The following SH2D7 variants were observed in gnomAD, a reference collection of about 807,000 sequenced individuals.
The protein encoded by SH2D7 is SH2 domain-containing protein 7.
In SH2D7, 32 loss-of-function variants were observed where a neutral mutation model predicts 40.8. That is an observed-to-expected ratio of 0.78 (90% CI 0.59 to 1.05). The LOEUF is 1.05. Ranked by LOEUF, SH2D7 falls within the 50% of genes least tolerant of loss-of-function variation. SH2D7 has a pLI of 0.00. For missense variants in SH2D7, 559 were observed against 566.6 expected, an observed-to-expected ratio of 0.99 and a Z score of 0.14; for synonymous variants, 195 against 221.5, an observed-to-expected ratio of 0.88 and a Z score of 1.06.
chr15:78,101,316 G>A lies in SH2D7; in HGVS notation c.1063G>A (p.Gly355Arg), dbSNP rs202061655. 210 of 1,612,914 alleles carry A rather than the reference G, an allele frequency of 1.3e-4. No homozygotes were observed. Among genetic ancestry groups the A allele is most frequent in the Non-Finnish European group, 1.0e-4 (121 of 1,179,596 alleles). The change falls in exon 5 of 6, where the codon GGG becomes AGG. Residue 355 changes from glycine to arginine, a missense_variant. Transcript: ENST00000328828. ...CTCTGCAGATATCTATGAGTTCATC[G>A]GGACAGAAGGCCTCCTGCAAGAGGC... ...GSSADIYEFI[G>R]TEGLLQEARD...
At position 78,103,673 on chromosome 15, in the gene SH2D7, C is replaced by T; in HGVS notation, c.*158C>T. On this transcript the variant is annotated 3_prime_UTR_variant, in exon 6 of 6. Coordinates refer to ENST00000328828, the MANE Select transcript of SH2D7 (RefSeq NM_001101404.2). ...GCTCCGAGACAGCCGAGGTGCCTGC[C>T]TGAGAGCAGGTGGAAGAGGACCTTG... is the stretch of plus-strand genomic sequence containing the variant. 3.4e-6 allele frequency: 3 copies of T among 879,948 alleles called. No individual in the cohort carries two copies. Among genetic ancestry groups the T allele is most frequent in the Non-Finnish European group, 3.4e-6 (2 of 586,910 alleles). 54.5% of individuals were successfully genotyped at this position (879,948 alleles called of 1,614,324 possible). A position where few individuals can be genotyped will look rare whatever the true frequency, so the allele number is the denominator to read the frequency against.
chr15:78,092,182 G>A (rs866707424), upstream of SH2D7, among the ~76,000 whole-genome samples: 1 of 152,356 alleles, frequency 6.6e-6, no homozygotes, highest in East Asian at 1.9e-4. Flanking sequence ...CCTCCACGAA[G>A]GAAGGATACC....
chr15:78,092,502 C>T (rs1018473272), upstream of SH2D7: 1 of 1,440,026 alleles, frequency 6.9e-7, no homozygotes, highest in Non-Finnish European at 9.2e-7. Flanking sequence ...AGGGCACGGG[C>T]TCAGGCAAAT....
At chr15:78,094,998 G>A (rs1490067797) in intron 2 of SH2D7, among the ~76,000 whole-genome samples, 1 of 152,174 alleles carries the variant, frequency 6.6e-6, no homozygotes, top group East Asian at 1.9e-4. Context: ...TAGGGAGGGA[G>A]GCCAGGGCTC....
chr15:78,101,581 G>A, intron 5 of SH2D7, 23 bp downstream of exon 5: 1 of 1,542,730 alleles, frequency 6.5e-7, no homozygotes, highest in East Asian at 2.3e-5. Context: ...ATGGGGTGGG[G>A]CGGCTCCCAG....
intron 5 of SH2D7, among the ~76,000 whole-genome samples, chr15:78,102,882 G>A (rs894192679): frequency 1.3e-5 from 2 of 152,114 alleles, no homozygotes; most frequent in African/African-American, 2.4e-5. Flanking sequence ...TCAGGCACAC[G>A]CGGATCTTCC....
rs573619880 is a variant in SH2D7 at position 78,099,019 on chromosome 15, C to CTT, written c.645+434_645+435dup. On this transcript the variant is annotated intron_variant, in intron 4 of 5. Coordinates refer to ENST00000328828, the MANE Select transcript of SH2D7 (RefSeq NM_001101404.2). ...ATGGACTCAGAAAGATTTTTCTTTT[C>CTT]TTTTTTTTTTTTGAGACAGAGTCTC... is the stretch of plus-strand genomic sequence containing the variant. Among the ~76,000 whole-genome samples, 462 of 146,910 alleles carry CTT rather than the reference C, an allele frequency of 3.1e-3. 1 individual carries two copies. Among genetic ancestry groups the CTT allele is most frequent in the African/African-American group, 9.9e-3 (397 of 40,196 alleles).
intron 2 of SH2D7, 82 bp from the exon 3 acceptor site, chr15:78,097,847 C>T: frequency 3.2e-6 from 5 of 1,545,266 alleles, no homozygotes; most frequent in Non-Finnish European, 4.4e-6. Flanking sequence ...CTCACCTGCA[C>T]CCAGGCACAG....
rs1033963278 is a variant in SH2D7 at position 78,092,572 on chromosome 15, G to A, written c.-13G>A. On this transcript the variant is annotated 5_prime_UTR_variant, in exon 1 of 6. Transcript: ENST00000328828. ...ACTGGCTGCGCTCTGCTTCCACTCT[G>A]GTGCCTGCCAGCATGGAGGACAGCC... 5 of 1,543,456 alleles carry A rather than the reference G, an allele frequency of 3.2e-6. No individual in the cohort carries two copies. The highest frequency in any genetic ancestry group is 1.7e-4 in the Middle Eastern group (1 of 5,948).
At chr15:78,094,224 C>A (rs749738313) in intron 2 of SH2D7, 23 bp downstream of exon 2, 1 of 1,591,090 alleles carries the variant, frequency 6.3e-7, no homozygotes, top group East Asian at 2.3e-5. Context: ...GCCCTCTGGG[C>A]AAGCAAGCTC....
chr15:78,093,802 G>A (rs2141868996), intron 1 of SH2D7, among the ~76,000 whole-genome samples: 1 of 152,354 alleles, frequency 6.6e-6, no homozygotes, highest in South Asian at 2.1e-4. Context: ...TGGAGAGTGG[G>A]TGGCCAGGGT....
At chr15:78,094,036 C>T in intron 1 of SH2D7, 76 bp from the exon 2 acceptor site, 3 of 1,434,680 alleles carry the variant, frequency 2.1e-6, no homozygotes, top group Non-Finnish European at 2.9e-6. Context: ...GCAGGGATTC[C>T]AAGAGAGGCC....
In SH2D7 at chr15:78,092,647, G is replaced by C. The variant is rs2073946805; in HGVS notation, c.63G>C (p.Gln21His). The change falls in exon 1 of 6, where the codon CAG becomes CAC. Residue 21 changes from glutamine (Q) to histidine (H), a missense_variant. Coordinates refer to ENST00000328828, the MANE Select transcript of SH2D7 (RefSeq NM_001101404.2). ...ATCCTGAGGGGGCAGGGGACAGCCA[G>C]GCCCTGGCTGAGCTCCAGGAGCTTG... ...GRDPEGAGDSQALAELQELAL... is the reference protein window; with the variant it reads ...GRDPEGAGDSHALAELQELAL... 6.4e-7 allele frequency: 1 copy of C among 1,566,596 alleles called. No individual in the cohort carries two copies. The highest frequency in any genetic ancestry group is 1.4e-5 in the African/African-American group (1 of 73,676).
At chr15:78,097,510 CTTTA>C (rs1205554679) in intron 2 of SH2D7, among the ~76,000 whole-genome samples, 2 of 152,178 alleles carry the variant, frequency 1.3e-5, no homozygotes, top group Admixed American at 6.5e-5. Flanking sequence ...TGGATCCTGT[CTTTA>C]TTTAAAACTT....
chr15:78,103,855 C>G lies in SH2D7; in HGVS notation c.*340C>G. 3.2e-6 allele frequency: 1 copy of G among 308,534 alleles called. No homozygotes were observed. The highest frequency in any genetic ancestry group is 4.2e-5 in the South Asian group (1 of 23,558). The allele number at this position is 308,534 out of a possible 1,614,324, so 19.1% of individuals were successfully genotyped here. A position where few individuals can be genotyped will look rare whatever the true frequency, so the allele number is the denominator to read the frequency against. ...GGCCCAGGCAGACTGACTGAACCTGCCTCCCACTACTGAGCACTTACCGAA... is the reference window on the plus strand; with the variant it reads ...GGCCCAGGCAGACTGACTGAACCTGGCTCCCACTACTGAGCACTTACCGAA... On this transcript the variant is annotated 3_prime_UTR_variant, in exon 6 of 6. Coordinates refer to ENST00000328828, the MANE Select transcript of SH2D7 (RefSeq NM_001101404.2).
chr15:78,099,732 C>T (rs1289725555), intron 4 of SH2D7, among the ~76,000 whole-genome samples: 1 of 151,934 alleles, frequency 6.6e-6, no homozygotes, highest in African/African-American at 2.4e-5. Flanking sequence ...TCACCAGATG[C>T]CCTGCTACCC....
At position 78,098,558 on chromosome 15, in the gene SH2D7, G is replaced by GT; in HGVS notation, c.608dup (p.Ser204GlufsTer22). The GT allele has an allele frequency of 6.2e-7, 1 of 1,613,990 alleles. No individual in the cohort carries two copies. Among genetic ancestry groups the GT allele is most frequent in the Non-Finnish European group, 8.5e-7 (1 of 1,179,856 alleles). ...CCTCCATGCACAGAAAAGCCTGGAT[G>GT]TGAGTCCCCGGAACCTCTCCCAGGA... On this transcript the variant is annotated frameshift_variant, in exon 4 of 6. Coordinates refer to ENST00000328828, the MANE Select transcript of SH2D7 (RefSeq NM_001101404.2). LOFTEE classifies it high-confidence loss of function.
At chr15:78,090,643 A>G (rs1011488335), upstream of SH2D7, among the ~76,000 whole-genome samples, 9 of 151,864 alleles carry the variant, frequency 5.9e-5, no homozygotes, top group Admixed American at 2.0e-4. Context: ...CATCATCATC[A>G]TCATCATCAT....
At chr15:78,098,700 C>T in intron 4 of SH2D7, 104 bp downstream of exon 4, 1 of 1,333,336 alleles carries the variant, frequency 7.5e-7, no homozygotes. Context: ...CTCCCTCCGG[C>T]TGTGGAGGGT....
Sources: gnomAD v4.1 joint callset for allele counts (sites outside exome capture counted in the v4.1 genomes callset) on GRCh38, gnomAD v4.1.1 for gene constraint, MANE v1.5 for transcripts, NCBI Gene and HGNC (gene_info 2026-07-23, HGNC 2026-07-21) for gene names.